Variants in BRINP1 observed in about 807,000 individuals in gnomAD.
BRINP1 encodes the protein BMP/retinoic acid inducible neural specific 1, also known as BMP/retinoic acid-inducible neural-specific protein 1.
Under a neutral mutation model 72.9 loss-of-function variants are expected in BRINP1, and 17 were observed. The observed-to-expected ratio is 0.23, with a 90% CI of 0.16 to 0.35. The LOEUF is 0.35. Ranked by LOEUF, BRINP1 falls within the 10% of genes least tolerant of loss-of-function variation. The probability of loss-of-function intolerance (pLI) is 1.00; values close to 1 mark genes in which losing one functional copy is unlikely to be tolerated. For missense variants in BRINP1, 850 were observed against 1,001.6 expected, an observed-to-expected ratio of 0.85 and a Z score of 2.04; for synonymous variants, 418 against 378.5, an observed-to-expected ratio of 1.10 and a Z score of -1.21.
At chr9:119,328,664 A>C (rs1831263305) in intron 1 of BRINP1, among the ~76,000 whole-genome samples, 1 of 152,206 alleles carries the variant, frequency 6.6e-6, no homozygotes, top group Non-Finnish European at 1.5e-5. Context: ...TAACGGAGAT[A>C]AATCTGTAAA....
intron 7 of BRINP1, among the ~76,000 whole-genome samples, chr9:119,173,178 G>C (rs1319284711): frequency 1.3e-5 from 2 of 150,206 alleles, no homozygotes; most frequent in Admixed American, 6.6e-5. Context: ...ATTAGGAAAA[G>C]AGGAAGTCAA....
intron 2 of BRINP1, among the ~76,000 whole-genome samples, chr9:119,268,656 C>T (rs1830578170): frequency 6.6e-6 from 1 of 152,206 alleles, no homozygotes; most frequent in Non-Finnish European, 1.5e-5. Context: ...CATTTGTTTA[C>T]ACCTTATTTC....
intron 1 of BRINP1, among the ~76,000 whole-genome samples, chr9:119,344,411 T>C (rs770690298): frequency 6.6e-6 from 1 of 152,202 alleles, no homozygotes; most frequent in Non-Finnish European, 1.5e-5. Flanking sequence ...CACTGTAAGC[T>C]CCTTAAAAGT....
At chr9:119,236,086 C>T (rs191015644) in intron 5 of BRINP1, among the ~76,000 whole-genome samples, 1 of 152,262 alleles carries the variant, frequency 6.6e-6, no homozygotes, top group Admixed American at 6.5e-5. Flanking sequence ...ATTATCTTTT[C>T]TGCAAGGCAG....
intron 1 of BRINP1, among the ~76,000 whole-genome samples, chr9:119,322,320 C>A (rs573008876): frequency 6.6e-6 from 1 of 152,288 alleles, no homozygotes; most frequent in South Asian, 2.1e-4. Flanking sequence ...TCTGGTCTAC[C>A]CAGAGCCGCC....
In BRINP1 at chr9:119,208,733, C is replaced by T; in HGVS notation, c.1131G>A (p.Gln377=). 6.2e-7 allele frequency: 1 copy of T among 1,613,076 alleles called. No individual in the cohort carries two copies. Among genetic ancestry groups the T allele is most frequent in the Admixed American group, 1.7e-5 (1 of 60,036 alleles). Residue 377 remains glutamine, a synonymous_variant, in exon 7 of 8, where the codon CAG becomes CAA. Coordinates refer to ENST00000265922, the MANE Select transcript of BRINP1 (RefSeq NM_014618.3). ...GCAACACTTACCTCTCTCTAGGCAG[C>T]TGGTGGTTGGGATTGTGGCGACAGC... ...SVRCRHNPNH[Q]LPRERTIQQW...
intron 2 of BRINP1, among the ~76,000 whole-genome samples, chr9:119,261,206 G>A (rs1052988164): frequency 2.0e-5 from 3 of 152,082 alleles, no homozygotes; most frequent in Admixed American, 1.3e-4. Flanking sequence ...AGAATCCAAC[G>A]GGTGGTTGGA....
intron 2 of BRINP1, among the ~76,000 whole-genome samples, chr9:119,280,353 C>T (rs893115136): frequency 2.6e-5 from 4 of 151,834 alleles, no homozygotes; most frequent in Non-Finnish European, 5.9e-5. Context: ...ATTCTCCTGC[C>T]TCAGTCTCCC....
At chr9:119,169,691 C>G (rs1052250391) in intron 7 of BRINP1, among the ~76,000 whole-genome samples, 3 of 152,212 alleles carry the variant, frequency 2.0e-5, no homozygotes, top group Non-Finnish European at 2.9e-5. Context: ...CACAGACAAA[C>G]AAAAAGACAG....
At chr9:119,360,039 A>G (rs1831612579) in intron 1 of BRINP1, among the ~76,000 whole-genome samples, 1 of 152,318 alleles carries the variant, frequency 6.6e-6, no homozygotes, top group Non-Finnish European at 1.5e-5. Flanking sequence ...TGACTTGGTA[A>G]TATTTTCAGG....
intron 1 of BRINP1, among the ~76,000 whole-genome samples, chr9:119,356,710 C>G (rs1472941097): frequency 6.6e-6 from 1 of 150,498 alleles, no homozygotes; most frequent in African/African-American, 2.4e-5. Flanking sequence ...GAGGCTGAGG[C>G]AATAGAATCG....
At position 119,369,426 on chromosome 9, in the gene BRINP1, G is replaced by T. The variant is rs1194658843; in HGVS notation, c.-421C>A. 7.6e-6 allele frequency: 3 copies of T among 394,802 alleles called. No homozygotes were observed. Among genetic ancestry groups the T allele is most frequent in the Non-Finnish European group, 1.3e-5 (3 of 224,118 alleles). 24.5% of individuals were successfully genotyped at this position (394,802 alleles called of 1,614,324 possible). On this transcript the variant is annotated 5_prime_UTR_variant, in exon 1 of 8. Transcript: ENST00000265922. ...AGCCGTGGGGTCCGGGAGCGAGGCG[G>T]CTGGCGAATGGAGAGGGAAGTCCAA... is the stretch of plus-strand genomic sequence containing the variant.
At chr9:119,322,137 T>C (rs897023393) in intron 1 of BRINP1, among the ~76,000 whole-genome samples, 1 of 152,368 alleles carries the variant, frequency 6.6e-6, no homozygotes, top group South Asian at 2.1e-4. Flanking sequence ...AGCAACAGTC[T>C]TGAATATCTA....
At chr9:119,210,900 A>C (rs1316895137) in intron 6 of BRINP1, among the ~76,000 whole-genome samples, 2 of 152,224 alleles carry the variant, frequency 1.3e-5, no homozygotes, top group African/African-American at 4.8e-5. Context: ...CCTGAGACAC[A>C]GAAAGTACTC....
rs535155046 is a variant in BRINP1 at position 119,278,695 on chromosome 9, C to T, written c.219-29545G>A. On this transcript the variant is annotated intron_variant, in intron 2 of 7. Transcript: ENST00000265922. ...ACGAGGTCAAGAGATCGAGACCATT[C>T]TGGCCAACATGGTGAAACCCTATCT... Among the ~76,000 whole-genome samples, 11 of 152,302 alleles carry T rather than the reference C, an allele frequency of 7.2e-5. No individual in the cohort carries two copies. In the South Asian group the frequency reaches 2.3e-3, roughly 32 times the overall value.
chr9:119,169,790 G>C (rs534060660), intron 7 of BRINP1, among the ~76,000 whole-genome samples: 1,553 of 142,712 alleles, frequency 0.011, 27 homozygotes, highest in Non-Finnish European at 0.013. Context: ...ATCTGAGAAC[G>C]GGCAGACTGC....
At chr9:119,236,450 G>T (rs943119550) in intron 5 of BRINP1, among the ~76,000 whole-genome samples, 1 of 152,180 alleles carries the variant, frequency 6.6e-6, no homozygotes, top group African/African-American at 2.4e-5. Flanking sequence ...TACTTGGAAG[G>T]TGCAGAATCC....
chr9:119,355,426 C>T (rs1831551527), intron 1 of BRINP1, among the ~76,000 whole-genome samples: 1 of 152,118 alleles, frequency 6.6e-6, no homozygotes, highest in Admixed American at 6.5e-5. Context: ...GTTGTCAGCT[C>T]TGTTTAAAAA....
intron 1 of BRINP1, among the ~76,000 whole-genome samples, chr9:119,355,571 A>T (rs1181024620): frequency 6.6e-6 from 1 of 152,008 alleles, no homozygotes; most frequent in Non-Finnish European, 1.5e-5. Context: ...TAATAAAAAC[A>T]CAAAAAAATT....
Sources: gnomAD v4.1 joint callset for allele counts (sites outside exome capture counted in the v4.1 genomes callset) on GRCh38, gnomAD v4.1.1 for gene constraint, MANE v1.5 for transcripts, NCBI Gene and HGNC (gene_info 2026-07-23, HGNC 2026-07-21) for gene names.